Variants in OPHN1 observed in about 807,000 individuals in gnomAD.
The protein encoded by OPHN1 is oligophrenin-1.
OPHN1 carries 11 observed loss-of-function variants against 60.7 expected under a neutral mutation model. The observed-to-expected ratio is 0.18, with a 90% CI of 0.11 to 0.30. The LOEUF (loss-of-function observed/expected upper bound fraction) is 0.30, where lower values mean the gene tolerates loss of function less well. Among genes scored for constraint, OPHN1 ranks in the 10% least tolerant of loss-of-function variants. OPHN1 has a pLI of 1.00. For synonymous variants in OPHN1, 226 were observed against 222.6 expected (o/e 1.02, Z -0.14); for missense variants, 449 against 611.0 (o/e 0.73, Z 2.80).
At chrX:68,064,394 C>T (rs1487973351) in intron 20 of OPHN1, among the ~76,000 whole-genome samples, 5 of 110,792 alleles carry the variant, frequency 4.5e-5, no homozygotes, top group Non-Finnish European at 9.4e-5. Context: ...ATTCAAGATC[C>T]GCGTATGATT....
chrX:68,217,096 C>T (rs757481240), intron 6 of OPHN1, among the ~76,000 whole-genome samples: 4 of 111,789 alleles, frequency 3.6e-5, no homozygotes, highest in Non-Finnish European at 7.5e-5. Context: ...CGAAGCAGGG[C>T]GAGACATTGC....
At chrX:68,125,225 T>C (rs1350210094) in intron 15 of OPHN1, among the ~76,000 whole-genome samples, 2 of 111,467 alleles carry the variant, frequency 1.8e-5, no homozygotes, top group African/African-American at 6.5e-5. Context: ...ATAGCTATAA[T>C]GCCTACATCA....
At chrX:68,237,090 A>G (rs1372180868) in intron 5 of OPHN1, among the ~76,000 whole-genome samples, 1 of 111,553 alleles carries the variant, frequency 9.0e-6, no homozygotes, top group African/African-American at 3.3e-5. Flanking sequence ...GGTTCAAGAG[A>G]TTCTCCTGCC....
chrX:68,101,631 T>A (rs771338926), intron 18 of OPHN1, among the ~76,000 whole-genome samples: 1 of 112,243 alleles, frequency 8.9e-6, no homozygotes, highest in South Asian at 3.7e-4. Flanking sequence ...TAACATTATC[T>A]CCAACCAACA....
chrX:68,349,991 T>C (rs2078399560), intron 2 of OPHN1, among the ~76,000 whole-genome samples: 1 of 110,996 alleles, frequency 9.0e-6, no homozygotes, highest in African/African-American at 3.3e-5. Context: ...CAAACCACCA[T>C]GGCATGCGTA....
At chrX:68,268,697 C>G in intron 5 of OPHN1, among the ~76,000 whole-genome samples, 2 of 111,345 alleles carry the variant, frequency 1.8e-5, no homozygotes, top group Non-Finnish European at 3.8e-5. Context: ...GGGATGCCCT[C>G]TCTCACCACT....
At chrX:68,185,191 CT>C (rs1307716625) in intron 15 of OPHN1, among the ~76,000 whole-genome samples, 3 of 112,389 alleles carry the variant, frequency 2.7e-5, no homozygotes, top group Non-Finnish European at 5.6e-5. Context: ...CTAATACTAT[CT>C]GCAGAGATTA....
At chrX:68,331,809 G>T (rs772442854) in intron 2 of OPHN1, among the ~76,000 whole-genome samples, 1 of 109,603 alleles carries the variant, frequency 9.1e-6, no homozygotes, top group Non-Finnish European at 1.9e-5. Context: ...GCTGAGGCAG[G>T]TGGATCACGA....
intron 2 of OPHN1, among the ~76,000 whole-genome samples, chrX:68,349,288 C>T (rs1364310235): frequency 1.8e-5 from 2 of 111,643 alleles, no homozygotes; most frequent in African/African-American, 6.5e-5. Flanking sequence ...ATTTATGCAG[C>T]CAACAGACAT....
intron 2 of OPHN1, among the ~76,000 whole-genome samples, chrX:68,421,364 G>GA (rs1203365049): frequency 1.8e-5 from 2 of 111,309 alleles, no homozygotes; most frequent in Non-Finnish European, 3.8e-5. Context: ...ACCAAACAGG[G>GA]AAAAAAATCA....
At chrX:68,375,666 T>A (rs2078553116) in intron 2 of OPHN1, among the ~76,000 whole-genome samples, 1 of 111,048 alleles carries the variant, frequency 9.0e-6, no homozygotes, top group Non-Finnish European at 1.9e-5. Context: ...TCATCCCATG[T>A]CAGCCTCCTG....
At chrX:68,293,575 C>A (rs2078080125) in intron 3 of OPHN1, among the ~76,000 whole-genome samples, 1 of 112,135 alleles carries the variant, frequency 8.9e-6, no homozygotes, top group Non-Finnish European at 1.9e-5. Context: ...AAACAACCCA[C>A]TAAAACCCCA....
chrX:68,243,040 G>A (rs1420235574), intron 5 of OPHN1, among the ~76,000 whole-genome samples: 1 of 110,784 alleles, frequency 9.0e-6, no homozygotes, highest in Non-Finnish European at 1.9e-5. Context: ...GCTAATTTTT[G>A]TATTTTTAGT....
At chrX:68,389,433 G>A (rs1182786319) in intron 2 of OPHN1, among the ~76,000 whole-genome samples, 2 of 108,713 alleles carry the variant, frequency 1.8e-5, no homozygotes, top group Non-Finnish European at 3.8e-5. Flanking sequence ...TGGACATGGT[G>A]GAGGGTGCCT....
At chrX:68,209,146 A>G (rs1321534527) in intron 9 of OPHN1, among the ~76,000 whole-genome samples, 3 of 112,197 alleles carry the variant, frequency 2.7e-5, no homozygotes, top group Non-Finnish European at 5.6e-5. Context: ...CAAAAACTGA[A>G]TAACAGGTTT....
chrX:68,234,027 T>A (rs1158796983), intron 6 of OPHN1, among the ~76,000 whole-genome samples: 1 of 93,210 alleles, frequency 1.1e-5, no homozygotes, highest in African/African-American at 4.3e-5. Context: ...TTATTTGAAC[T>A]GAAGGCACTG....
intron 2 of OPHN1, among the ~76,000 whole-genome samples, chrX:68,343,443 C>T (rs779544366): frequency 9.1e-6 from 1 of 109,651 alleles, no homozygotes; most frequent in South Asian, 4.0e-4. Context: ...ATTAGCCAGA[C>T]ATGGTCGCGT....
intron 15 of OPHN1, among the ~76,000 whole-genome samples, chrX:68,175,359 T>C (rs1338503750): frequency 9.0e-6 from 1 of 111,458 alleles, no homozygotes; most frequent in Non-Finnish European, 1.9e-5. Flanking sequence ...ATTTATAATA[T>C]GTGTGGTGGG....
At chrX:68,191,991 A>T (rs964894144) in intron 15 of OPHN1, among the ~76,000 whole-genome samples, 1 of 111,850 alleles carries the variant, frequency 8.9e-6, no homozygotes, top group Non-Finnish European at 1.9e-5. Flanking sequence ...AGTAAGTCAC[A>T]ACATCCAGCA....
Sources: gnomAD v4.1 joint callset for allele counts (sites outside exome capture counted in the v4.1 genomes callset) on GRCh38, gnomAD v4.1.1 for gene constraint, MANE v1.5 for transcripts, NCBI Gene and HGNC (gene_info 2026-07-23, HGNC 2026-07-21) for gene names.